Variants in VAV3 observed in about 807,000 individuals in gnomAD.
VAV3 encodes guanine nucleotide exchange factor VAV3.
Under a neutral mutation model 131.2 loss-of-function variants are expected in VAV3, and 94 were observed. The observed-to-expected ratio is 0.72, with a 90% CI of 0.61 to 0.85. VAV3 has a LOEUF of 0.85. Ranked by LOEUF, VAV3 falls within the 40% of genes least tolerant of loss-of-function variation. VAV3 has a pLI of 0.00. For synonymous variants in VAV3, 349 were observed against 342.0 expected, an observed-to-expected ratio of 1.02 and a Z score of -0.22; for missense variants, 939 against 1,002.7, an observed-to-expected ratio of 0.94 and a Z score of 0.86.
chr1:107,818,700 A>G (rs1667661764), intron 2 of VAV3, among the ~76,000 whole-genome samples: 1 of 152,210 alleles, frequency 6.6e-6, no homozygotes, highest in Non-Finnish European at 1.5e-5. Flanking sequence ...AATGGTATAA[A>G]TAATGTTTAA....
chr1:107,937,525 G>A (rs1428020435), intron 1 of VAV3, among the ~76,000 whole-genome samples: 1 of 152,184 alleles, frequency 6.6e-6, no homozygotes, highest in Non-Finnish European at 1.5e-5. Context: ...TTTGAGATAA[G>A]TACAAAACAT....
intron 14 of VAV3, 139 bp downstream of exon 14, chr1:107,749,323 A>G: frequency 2.0e-6 from 2 of 1,022,520 alleles, no homozygotes; most frequent in Middle Eastern, 3.3e-4. Context: ...TATTTCTCAC[A>G]AAGTTATGTA....
rs141653348 is a variant in VAV3, at chr1:107,647,844, C to G, written c.1778-5089G>C. Among the ~76,000 whole-genome samples, 477 of 152,108 alleles carry G rather than the reference C, an allele frequency of 3.1e-3. 3 individuals are homozygous for G. Among genetic ancestry groups the G allele is most frequent in the African/African-American group, 0.01 (427 of 41,518 alleles). ...AACCCTTTATAAATTAACATCTGGA[C>G]CTTTCCTGATACAAGTTCACAATCT... On this transcript the variant is annotated intron_variant, in intron 19 of 26. Transcript: ENST00000370056.
chr1:107,717,013 A>G (rs1464125840), intron 15 of VAV3, among the ~76,000 whole-genome samples: 1 of 152,156 alleles, frequency 6.6e-6, no homozygotes, highest in African/African-American at 2.4e-5. Flanking sequence ...TAGATTTTCT[A>G]GTTTATTTAC....
chr1:107,932,536 T>G (rs1673490894), intron 1 of VAV3, among the ~76,000 whole-genome samples: 1 of 152,206 alleles, frequency 6.6e-6, no homozygotes, highest in South Asian at 2.1e-4. Context: ...GCTGGTAGGC[T>G]GAATAATAGC....
intron 19 of VAV3, among the ~76,000 whole-genome samples, chr1:107,679,437 C>T (rs1281436834): frequency 1.3e-5 from 2 of 152,138 alleles, no homozygotes; most frequent in Non-Finnish European, 2.9e-5. Flanking sequence ...TTCCCATCTA[C>T]TCCACATAAT....
intron 15 of VAV3, among the ~76,000 whole-genome samples, chr1:107,732,603 T>A (rs1438396561): frequency 6.6e-6 from 1 of 152,182 alleles, no homozygotes; most frequent in Non-Finnish European, 1.5e-5. Flanking sequence ...CGGAGCCTCG[T>A]TCACTGCTAG....
chr1:107,617,412 T>C (rs982273497), intron 21 of VAV3, among the ~76,000 whole-genome samples, 155 bp downstream of exon 21: 6 of 152,126 alleles, frequency 3.9e-5, no homozygotes, highest in African/African-American at 1.4e-4. Flanking sequence ...ATTCTGACAA[T>C]AGAACTATAA....
At chr1:107,666,687 A>T (rs1286649711) in intron 19 of VAV3, among the ~76,000 whole-genome samples, 1 of 151,594 alleles carries the variant, frequency 6.6e-6, no homozygotes, top group Non-Finnish European at 1.5e-5. Context: ...CACCTGCCTC[A>T]GCGTCCTGAG....
intron 4 of VAV3, among the ~76,000 whole-genome samples, chr1:107,776,753 C>T (rs140556739): frequency 5.5e-4 from 84 of 152,340 alleles, no homozygotes; most frequent in South Asian, 2.1e-3. Context: ...AGATAATCGG[C>T]TGCAAGGACC....
intron 17 of VAV3, among the ~76,000 whole-genome samples, chr1:107,691,309 C>T (rs1228411232): frequency 6.6e-6 from 1 of 152,138 alleles, no homozygotes; most frequent in African/African-American, 2.4e-5. Flanking sequence ...ATGGAGTATT[C>T]TATGGAAAAG....
At chr1:107,612,128 TTATA>T (rs3040786) in intron 21 of VAV3, among the ~76,000 whole-genome samples, 1 of 148,422 alleles carries the variant, frequency 6.7e-6, no homozygotes, top group Non-Finnish European at 1.5e-5. Context: ...CCGTACAAAA[TTATA>T]TATATATATA....
intron 2 of VAV3, among the ~76,000 whole-genome samples, chr1:107,859,115 C>G (rs1453619044): frequency 6.9e-6 from 1 of 144,290 alleles, no homozygotes; most frequent in South Asian, 2.3e-4. Context: ...GAGACAGAGT[C>G]TTGTTGTGTC....
In VAV3 at chr1:107,609,931, C is replaced by G; in HGVS notation, c.2015G>C (p.Trp672Ser). 2.5e-6 allele frequency: 4 copies of G among 1,611,762 alleles called. No individual in the cohort carries two copies. Among genetic ancestry groups the G allele is most frequent in the Non-Finnish European group, 3.4e-6 (4 of 1,178,456 alleles). ...CTACATAAACATTTTTAATACTTAC[C>G]AGGGTTGGCAAGAATAATCTACTGG... ...PKPVDYSCQPWYAGAMERLQA... is the reference protein window; with the variant it reads ...PKPVDYSCQPSYAGAMERLQA... The change falls in exon 22 of 27, where the codon TGG (tryptophan) becomes TCG (serine). Residue 672 changes from tryptophan to serine, a missense_variant and splice_region_variant. By Grantham distance (177) the Trp-to-Ser change is radical. Coordinates refer to ENST00000370056, the MANE Select transcript of VAV3 (RefSeq NM_006113.5).
At chr1:107,659,495 TTTC>T (rs1656842729) in intron 19 of VAV3, among the ~76,000 whole-genome samples, 4 of 152,290 alleles carry the variant, frequency 2.6e-5, no homozygotes, top group Non-Finnish European at 5.9e-5. Context: ...GATTCCAAAG[TTTC>T]TTCTTTAAAG....
At chr1:107,630,035 T>C (rs1254488265) in intron 20 of VAV3, among the ~76,000 whole-genome samples, 1 of 152,150 alleles carries the variant, frequency 6.6e-6, no homozygotes, top group African/African-American at 2.4e-5. Context: ...ACAAAAGACA[T>C]TTTTGAAATC....
intron 2 of VAV3, among the ~76,000 whole-genome samples, chr1:107,792,620 C>G (rs1463923969): frequency 6.6e-6 from 1 of 152,164 alleles, no homozygotes; most frequent in East Asian, 1.9e-4. Flanking sequence ...CATTTGGGTA[C>G]AAATTTATGT....
chr1:107,605,632 G>A (rs1248953207), intron 22 of VAV3, among the ~76,000 whole-genome samples: 1 of 152,174 alleles, frequency 6.6e-6, no homozygotes, highest in Non-Finnish European at 1.5e-5. Context: ...GAAACTTTCT[G>A]AGAGTCAGCA....
chr1:107,681,544 A>G (rs192490543), intron 19 of VAV3, among the ~76,000 whole-genome samples: 1 of 152,324 alleles, frequency 6.6e-6, no homozygotes, highest in East Asian at 1.9e-4. Context: ...TAGGCTTACT[A>G]TATCAGCAGC....
Sources: gnomAD v4.1 joint callset for allele counts (sites outside exome capture counted in the v4.1 genomes callset) on GRCh38, gnomAD v4.1.1 for gene constraint, MANE v1.5 for transcripts, NCBI Gene and HGNC (gene_info 2026-07-23, HGNC 2026-07-21) for gene names.